The following GABRB1 variants were observed in gnomAD, a reference collection of about 807,000 sequenced individuals.
The protein encoded by GABRB1 is gamma-aminobutyric acid type A receptor subunit beta1.
Under a neutral mutation model 51.6 loss-of-function variants are expected in GABRB1, and 17 were observed. The ratio of observed to expected loss-of-function variants is 0.33; its 90% confidence interval spans 0.23 to 0.49. The LOEUF (loss-of-function observed/expected upper bound fraction) is 0.49. GABRB1 is among the 20% of genes least tolerant of loss of function. The pLI, the probability that GABRB1 is intolerant of heterozygous loss-of-function variation, is 0.99. For missense variants in GABRB1, 410 were observed against 600.6 expected (o/e 0.68, Z 3.32); for synonymous variants, 247 against 218.9 (o/e 1.13, Z -1.14).
At chr4:47,366,279 A>G (rs768769788) in intron 5 of GABRB1, among the ~76,000 whole-genome samples, 24 of 152,292 alleles carry the variant, frequency 1.6e-4, no homozygotes, top group South Asian at 8.3e-4. Context: ...TCCATAAGCT[A>G]ATCTCTGCCG....
chr4:47,082,072 A>G (rs1360951635), intron 3 of GABRB1, among the ~76,000 whole-genome samples: 2 of 152,020 alleles, frequency 1.3e-5, no homozygotes, highest in Non-Finnish European at 2.9e-5. Flanking sequence ...TATAAACTGA[A>G]AGGTAGTGAT....
intron 4 of GABRB1, among the ~76,000 whole-genome samples, chr4:47,299,819 A>G (rs1724176827): frequency 6.6e-6 from 1 of 152,134 alleles, no homozygotes; most frequent in African/African-American, 2.4e-5. Context: ...TATTCACAAT[A>G]GCAAAGACTT....
At chr4:47,066,421 T>C (rs1378318034) in intron 3 of GABRB1, among the ~76,000 whole-genome samples, 3 of 152,192 alleles carry the variant, frequency 2.0e-5, no homozygotes, top group African/African-American at 7.2e-5. Flanking sequence ...CTATAGCATG[T>C]GATGTTGTTC....
At chr4:47,245,527 C>T (rs1473016035) in intron 4 of GABRB1, among the ~76,000 whole-genome samples, 1 of 152,094 alleles carries the variant, frequency 6.6e-6, no homozygotes, top group Admixed American at 6.6e-5. Flanking sequence ...CAGATGTGTG[C>T]ATCTCCACAA....
intron 1 of GABRB1, among the ~76,000 whole-genome samples, chr4:47,019,668 T>C (rs1043276930): frequency 1.4e-5 from 2 of 143,514 alleles, no homozygotes; most frequent in African/African-American, 5.4e-5. Context: ...TCTTTCTTTC[T>C]TTCTTTCTTT....
At chr4:47,042,670 C>G (rs1725908972) in intron 3 of GABRB1, among the ~76,000 whole-genome samples, 1 of 151,098 alleles carries the variant, frequency 6.6e-6, no homozygotes, top group Non-Finnish European at 1.5e-5. Flanking sequence ...TAAAAGGTAG[C>G]ATATGAAAAG....
At chr4:47,214,409 A>G (rs2109814659) in intron 4 of GABRB1, among the ~76,000 whole-genome samples, 1 of 152,114 alleles carries the variant, frequency 6.6e-6, no homozygotes, top group South Asian at 2.1e-4. Flanking sequence ...ATATTTCCCT[A>G]CTTACATGCA....
At chr4:47,076,968 C>T (rs1012648915) in intron 3 of GABRB1, among the ~76,000 whole-genome samples, 3 of 152,292 alleles carry the variant, frequency 2.0e-5, no homozygotes, top group East Asian at 1.9e-4. Flanking sequence ...GGTTAACAAC[C>T]TCTCATGTCA....
At chr4:47,163,213 C>T (rs1718036569) in intron 4 of GABRB1, among the ~76,000 whole-genome samples, 1 of 151,840 alleles carries the variant, frequency 6.6e-6, no homozygotes, top group African/African-American at 2.4e-5. Context: ...GGCTAATACC[C>T]CCTTACTCAT....
At chr4:47,410,536 A>T (rs1560374447) in intron 8 of GABRB1, among the ~76,000 whole-genome samples, 1 of 152,194 alleles carries the variant, frequency 6.6e-6, no homozygotes, top group African/African-American at 2.4e-5. Flanking sequence ...TGACCTGAAG[A>T]GTCAGATCAT....
chr4:47,067,579 G>A (rs1436987217), intron 3 of GABRB1, among the ~76,000 whole-genome samples: 1 of 151,704 alleles, frequency 6.6e-6, no homozygotes, highest in East Asian at 1.9e-4. Context: ...ATGTTATAGT[G>A]GTGGCTTCCT....
intron 4 of GABRB1, among the ~76,000 whole-genome samples, chr4:47,261,830 T>G (rs1455084775): frequency 3.3e-5 from 5 of 152,054 alleles, no homozygotes; most frequent in Non-Finnish European, 5.9e-5. Flanking sequence ...GCATGGTACT[T>G]TTACCAAAAC....
intron 3 of GABRB1, among the ~76,000 whole-genome samples, chr4:47,133,453 G>A (rs1202270357): frequency 6.6e-6 from 1 of 152,198 alleles, no homozygotes; most frequent in Non-Finnish European, 1.5e-5. Context: ...CTTCAATATA[G>A]TGGCTTCATT....
intron 3 of GABRB1, among the ~76,000 whole-genome samples, chr4:47,054,184 G>A (rs536101300): frequency 1.3e-5 from 2 of 151,816 alleles, no homozygotes; most frequent in Non-Finnish European, 2.9e-5. Context: ...CATATAAAAG[G>A]CTCCTGAGTG....
At chr4:47,226,044 T>C (rs1720934835) in intron 4 of GABRB1, among the ~76,000 whole-genome samples, 3 of 152,160 alleles carry the variant, frequency 2.0e-5, no homozygotes. Context: ...TTATATCCAT[T>C]CATTCATCAA....
At chr4:47,173,601 C>G (rs957364293) in intron 4 of GABRB1, among the ~76,000 whole-genome samples, 15 of 152,118 alleles carry the variant, frequency 9.9e-5, no homozygotes, top group Non-Finnish European at 1.9e-4. Context: ...TTTAAAAAAT[C>G]ACAAAACTCA....
chr4:47,001,267 C>T (rs1039559680), intron 1 of GABRB1, among the ~76,000 whole-genome samples: 1 of 151,980 alleles, frequency 6.6e-6, no homozygotes, highest in South Asian at 2.1e-4. Context: ...CTCAGCCTCC[C>T]GAGTAGCTGG....
chr4:47,309,862 G>A (rs528619009), intron 4 of GABRB1, among the ~76,000 whole-genome samples: 1 of 152,152 alleles, frequency 6.6e-6, no homozygotes, highest in Non-Finnish European at 1.5e-5. Context: ...TAATGTATTT[G>A]TAATAGTAGT....
chr4:47,032,245 C>T (rs1231033634), intron 2 of GABRB1, among the ~76,000 whole-genome samples, 172 bp from the exon 3 acceptor site: 1 of 152,022 alleles, frequency 6.6e-6, no homozygotes, highest in Admixed American at 6.5e-5. Flanking sequence ...ATAGTCACTG[C>T]ATCACGCGTG....
Sources: allele counts gnomAD v4.1 joint callset (sites outside exome capture counted in the v4.1 genomes callset), GRCh38; gene constraint gnomAD v4.1.1; transcripts MANE v1.5; gene names NCBI Gene and HGNC (gene_info 2026-07-23, HGNC 2026-07-21).